MORC4: variants seen among roughly 807,000 people sequenced by gnomAD.
The protein encoded by MORC4 is MORC family CW-type zinc finger 4, also known as MORC family CW-type zinc finger protein 4.
A neutral mutation model predicts 65.5 loss-of-function variants in MORC4; 22 were observed. That is an observed-to-expected ratio of 0.34 (90% confidence interval 0.24 to 0.48). MORC4 has a LOEUF of 0.48. MORC4 is among the 20% of genes least tolerant of loss of function. The pLI is 0.99. For synonymous variants in MORC4, 267 were observed against 255.8 expected, an observed-to-expected ratio of 1.04 and a Z score of -0.42; for missense variants, 624 against 703.0, an observed-to-expected ratio of 0.89 and a Z score of 1.27.
At chrX:106,947,592 A>ATATATATATATATATATATATATATAT (rs1933878183) in intron 14 of MORC4, among the ~76,000 whole-genome samples, 1 of 72,266 alleles carries the variant, frequency 1.4e-5, no homozygotes, top group Non-Finnish European at 2.5e-5. Context: ...TATATATATA[A>ATATATATATATATATATATATATATAT]TATATATATA....
rs768446541 is a variant in MORC4 at position 106,960,759 on chromosome X, A to G, written c.1256+1253T>C. ...GCTAATTTGAAAGGCAAAAAATGGC[A>G]TCTCATCTTAGTTTGTACTTCTTTG... On this transcript the variant is annotated intron_variant, in intron 10 of 16. Transcript: ENST00000355610. 5.3e-5 allele frequency among the ~76,000 whole-genome samples: 6 copies of G among 112,407 alleles called. No individual in the cohort carries two copies. In the East Asian group the frequency reaches 1.7e-3, roughly 31 times the overall value.
At position 106,964,836 on chromosome X, in the gene MORC4, G is replaced by A. The variant is rs112963121; in HGVS notation, c.1158-2726C>T. Among the ~76,000 whole-genome samples, 375 of 110,629 alleles carry A rather than the reference G, an allele frequency of 3.4e-3. 3 individuals are homozygous for A. Among genetic ancestry groups the A allele is most frequent in the African/African-American group, 0.011 (346 of 30,454 alleles). Reference sequence around the variant, plus strand: ...ACTAGCCTGACCAACATGGTGAAACGCTGTCTCTACTAAAAATACAAAAGT... The same window carrying A: ...ACTAGCCTGACCAACATGGTGAAACACTGTCTCTACTAAAAATACAAAAGT... On this transcript the variant is annotated intron_variant, in intron 9 of 16. Transcript: ENST00000355610.
At chrX:106,985,878 C>A in intron 4 of MORC4, 105 bp downstream of exon 4, 1 of 636,702 alleles carries the variant, frequency 1.6e-6, no homozygotes, top group Admixed American at 3.1e-5. Context: ...TTGAATACCT[C>A]TTTTAAAACT....
At chrX:106,984,275 C>T (rs1269034150) in intron 5 of MORC4, among the ~76,000 whole-genome samples, 1 of 105,616 alleles carries the variant, frequency 9.5e-6, no homozygotes, top group Non-Finnish European at 1.9e-5. Context: ...AAGAGAGACT[C>T]TGTCTCAAAA....
chrX:106,998,635 C>T (rs1569310882), intron 2 of MORC4, among the ~76,000 whole-genome samples: 1 of 112,496 alleles, frequency 8.9e-6, no homozygotes, highest in Non-Finnish European at 1.9e-5. Flanking sequence ...AGATACAGTC[C>T]CTCTGCTCTA....
chrX:106,946,354 A>T (rs1461789597), intron 14 of MORC4, among the ~76,000 whole-genome samples: 2 of 112,624 alleles, frequency 1.8e-5, no homozygotes, highest in Non-Finnish European at 3.7e-5. Flanking sequence ...TGGCTTTTTT[A>T]AACTCGCTTC....
chrX:106,971,528 C>CA (rs1934509916), intron 9 of MORC4, among the ~76,000 whole-genome samples: 1 of 112,228 alleles, frequency 8.9e-6, no homozygotes, highest in African/African-American at 3.2e-5. Flanking sequence ...AATGAACAAG[C>CA]AACCTACAGA....
At chrX:106,944,062 A>G (rs1418692505) in intron 14 of MORC4, among the ~76,000 whole-genome samples, 2 of 112,608 alleles carry the variant, frequency 1.8e-5, no homozygotes, top group African/African-American at 6.4e-5. Context: ...CCTTCTGGAT[A>G]ACCAAGACAT....
In MORC4 at chrX:106,991,597, G is replaced by A. The variant is rs752862399; in HGVS notation, c.308+1633C>T. Reference sequence around the variant, plus strand: ...ATGGGATAAGGTATGATGGGAAGGAGTCATTAAGAAGATAAGCAATTTTGG... The same window carrying A: ...ATGGGATAAGGTATGATGGGAAGGAATCATTAAGAAGATAAGCAATTTTGG... On this transcript the variant is annotated intron_variant, in intron 3 of 16. Coordinates refer to ENST00000355610, the MANE Select transcript of MORC4 (RefSeq NM_024657.5). Among the ~76,000 whole-genome samples, 5 of 112,144 alleles carry A rather than the reference G, an allele frequency of 4.5e-5. No homozygotes were observed. The South Asian group carries it at 1.9e-3, about 42-fold the overall frequency.
At chrX:106,976,379 G>A (rs891304873) in intron 9 of MORC4, among the ~76,000 whole-genome samples, 1 of 111,779 alleles carries the variant, frequency 8.9e-6, no homozygotes, top group East Asian at 2.8e-4. Flanking sequence ...TAAAGGTAAG[G>A]TTTATCTCAA....
In MORC4 at chrX:106,943,690, T is replaced by C. The variant is rs758230072; in HGVS notation, c.1686-485A>G. 3.1e-4 allele frequency among the ~76,000 whole-genome samples: 35 copies of C among 112,718 alleles called. No individual in the cohort carries two copies. In the Middle Eastern group the frequency reaches 0.018, roughly 59 times the overall value. On this transcript the variant is annotated intron_variant, in intron 14 of 16. Coordinates refer to ENST00000355610, the MANE Select transcript of MORC4 (RefSeq NM_024657.5). The stretch of plus-strand genomic sequence containing the variant: ...AAAGACTTATGCACATTTTTTTATA[T>C]TGCAGCAGAACCACACAATTCTTTC...
intron 9 of MORC4, among the ~76,000 whole-genome samples, chrX:106,962,739 G>A (rs953700234): frequency 1.8e-5 from 2 of 111,443 alleles, no homozygotes; most frequent in Non-Finnish European, 3.8e-5. Context: ...CTCCCTAAAG[G>A]AACAACAGTA....
At chrX:106,959,938 T>C (rs752013433) in intron 10 of MORC4, among the ~76,000 whole-genome samples, 67 of 112,847 alleles carry the variant, frequency 5.9e-4, no homozygotes, top group Non-Finnish European at 9.7e-4. Context: ...GCACTCATAA[T>C]TCTACCACTG....
At chrX:106,941,835 G>T in intron 16 of MORC4, 103 bp downstream of exon 16, 1 of 939,986 alleles carries the variant, frequency 1.1e-6, no homozygotes, top group Non-Finnish European at 1.5e-6. Flanking sequence ...TTGGTGGCCT[G>T]TGAATTAAGG....
chrX:106,996,739 C>T (rs1185333059), intron 2 of MORC4, among the ~76,000 whole-genome samples: 1 of 112,148 alleles, frequency 8.9e-6, no homozygotes, highest in Non-Finnish European at 1.9e-5. Context: ...CCTGGCCACA[C>T]AAGCCCATGT....
chrX:106,974,190 T>G (rs1391571976), intron 9 of MORC4, among the ~76,000 whole-genome samples: 1 of 111,768 alleles, frequency 8.9e-6, no homozygotes, highest in Non-Finnish European at 1.9e-5. Flanking sequence ...GTAAACAAAA[T>G]TTTATTAGAC....
intron 3 of MORC4, among the ~76,000 whole-genome samples, chrX:106,990,720 A>C (rs1329843475): frequency 8.9e-6 from 1 of 111,771 alleles, no homozygotes; most frequent in Non-Finnish European, 1.9e-5. Flanking sequence ...AAAAATACAA[A>C]AATTAGCTGG....
chrX:106,970,643 C>G (rs1034996188), intron 9 of MORC4, among the ~76,000 whole-genome samples: 1 of 111,698 alleles, frequency 9.0e-6, no homozygotes, highest in African/African-American at 3.3e-5. Context: ...AAAATCAATG[C>G]GCAAAAATCA....
intron 5 of MORC4, 55 bp downstream of exon 5, chrX:106,985,041 T>G: frequency 2.1e-6 from 2 of 956,243 alleles, no homozygotes; most frequent in Admixed American, 6.6e-5. Context: ...AATAAAAATG[T>G]GTTTCATCAT....
Sources: allele counts gnomAD v4.1 joint callset (sites outside exome capture counted in the v4.1 genomes callset), GRCh38; gene constraint gnomAD v4.1.1; transcripts MANE v1.5; gene names NCBI Gene and HGNC (gene_info 2026-07-23, HGNC 2026-07-21).